MMRN2: variants seen among roughly 807,000 people sequenced by gnomAD.
MMRN2 encodes multimerin-2.
MMRN2 carries 53 observed loss-of-function variants against 68.8 expected under a neutral mutation model. The ratio of observed to expected loss-of-function variants is 0.77; its 90% CI spans 0.62 to 0.97. The LOEUF (loss-of-function observed/expected upper bound fraction) is 0.97, where lower values mean the gene tolerates loss of function less well. Ranked by LOEUF, MMRN2 falls within the 50% of genes least tolerant of loss-of-function variation. MMRN2 has a pLI of 0.00. For missense variants in MMRN2, 1,266 were observed against 1,259.5 expected (o/e 1.01, Z -0.08); for synonymous variants, 564 against 551.6 (o/e 1.02, Z -0.32).
chr10:86,937,221 T>C (rs1843893433), intron 6 of MMRN2, 96 bp from the exon 7 acceptor site: 3 of 1,313,608 alleles, frequency 2.3e-6, no homozygotes, highest in African/African-American at 3.0e-5. Flanking sequence ...TTATTAGCAA[T>C]GGAAATAGGT....
At chr10:86,941,848 A>C (rs1050997739) in intron 6 of MMRN2, among the ~76,000 whole-genome samples, 4 of 129,340 alleles carry the variant, frequency 3.1e-5, no homozygotes, top group Admixed American at 7.8e-5. Flanking sequence ...CAAAAAAAAA[A>C]CTAAAATCAT....
rs200415857 is a variant in MMRN2 at position 86,942,906 on chromosome 10, C to T, written c.1878G>A (p.Thr626=). ...CGTAGCTCAGGGGCAGCGGTCCCGG[C>T]GTCTGCTCAGACATCTCCTCCAGCA... ...EEVLEEMSEQ[T]PGPLPLSYEQ... The change falls in exon 6 of 7, where the codon ACG becomes ACA. Residue 626 remains threonine (T), a synonymous_variant. Coordinates refer to ENST00000372027, the MANE Select transcript of MMRN2 (RefSeq NM_024756.3). The T allele has an allele frequency of 1.4e-6, 2 of 1,474,284 alleles. No homozygotes were observed. Among genetic ancestry groups the T allele is most frequent in the Non-Finnish European group, 1.8e-6 (2 of 1,111,426 alleles). 91.3% of individuals were successfully genotyped at this position (1,474,284 alleles called of 1,614,324 possible). A position where few individuals can be genotyped will look rare whatever the true frequency, so the allele number is the denominator to read the frequency against.
At chr10:86,951,269 CAGG>C (rs1844140101) in intron 1 of MMRN2, among the ~76,000 whole-genome samples, 1 of 152,224 alleles carries the variant, frequency 6.6e-6, no homozygotes, top group South Asian at 2.1e-4. Flanking sequence ...GACTCCTAAT[CAGG>C]AGATCAGCAA....
rs776882013 is a variant in MMRN2, at chr10:86,944,349, G to A, written c.568C>T (p.Arg190Trp). 1.7e-5 allele frequency: 28 copies of A among 1,613,832 alleles called. No homozygotes were observed. The highest frequency in any genetic ancestry group is 1.6e-4 in the Middle Eastern group (1 of 6,084). The change falls in exon 5 of 7, where the codon CGG (arginine) becomes TGG (tryptophan). Residue 190 changes from arginine (R) to tryptophan (W), a missense_variant. Transcript: ENST00000372027. ...AGGCCTGGCAGGCTGTCTGCCACCC[G>A]GTGCACATCATTCTGGAGATCTCCC... The part of the protein sequence containing the change: ...LLGDLQNDVH[R>W]VADSLPGLWK...
chr10:86,942,452 T>G lies in MMRN2; in HGVS notation c.2332A>C (p.Ser778Arg). The G allele has an allele frequency of 6.2e-7, 1 of 1,614,180 alleles. No homozygotes were observed. Among genetic ancestry groups the G allele is most frequent in the Non-Finnish European group, 8.5e-7 (1 of 1,180,028 alleles). ...TTCTGCTGCTTCTTCCCTTTCCTGC[T>G]CAGCATGGTCTGCAGCTTCCCCAGG... The part of the protein sequence containing the change: ...LDLGKLQTML[S>R]RKGKKQQKDL... Residue 778 changes from serine (S) to arginine (R), a missense_variant, in exon 6 of 7, where the codon AGC becomes CGC. Ser to Arg is a moderately radical substitution (Grantham distance 110). Transcript: ENST00000372027.
At chr10:86,952,378 T>C (rs1288048890) in intron 1 of MMRN2, among the ~76,000 whole-genome samples, 2 of 152,178 alleles carry the variant, frequency 1.3e-5, no homozygotes, top group Admixed American at 6.5e-5. Flanking sequence ...CCATGGAAAC[T>C]CCTGGAACAT....
chr10:86,955,287 G>A (rs1414582810), intron 1 of MMRN2, among the ~76,000 whole-genome samples: 1 of 152,196 alleles, frequency 6.6e-6, no homozygotes, highest in East Asian at 1.9e-4. Context: ...ACATCCCCAA[G>A]CCAGGGCACA....
Position 86,957,536 on chromosome 10 carries a change from G to A in MMRN2, c.6C>T (p.Ile2=). 6.2e-7 allele frequency: 1 copy of A among 1,608,406 alleles called. No homozygotes were observed. Among genetic ancestry groups the A allele is most frequent in the East Asian group, 2.2e-5 (1 of 44,786 alleles). ...CCCCAAGGCTGAACAGCAAGCTCAG[G>A]ATCATCTTGGTGGTGGGGCAGGCTC... is the stretch of plus-strand genomic sequence containing the variant. M[I]LSLLFSLGGP... The change falls in exon 1 of 7, where the codon ATC becomes ATT. Residue 2 remains isoleucine, a synonymous_variant. Transcript: ENST00000372027.
chr10:86,938,320 C>G (rs1158110823), intron 6 of MMRN2, among the ~76,000 whole-genome samples: 1 of 152,176 alleles, frequency 6.6e-6, no homozygotes, highest in Non-Finnish European at 1.5e-5. Flanking sequence ...AATTACCAAG[C>G]CTCCTGGGAA....
Position 86,942,392 on chromosome 10 carries a change from CCTT to C in MMRN2, c.2389_2391del (p.Lys797del). On this transcript the variant is annotated inframe_deletion, in exon 6 of 7. Coordinates refer to ENST00000372027, the MANE Select transcript of MMRN2 (RefSeq NM_024756.3). The stretch of plus-strand genomic sequence containing the variant: ...CGTATGTCCACCAAAGGCTCCGCTT[CCTT>C]CTTGTCCCTCTTCCGGGGAGCTTCC... 2 of 1,614,192 alleles carry C rather than the reference CCTT, an allele frequency of 1.2e-6. No homozygotes were observed. The highest frequency in any genetic ancestry group is 1.7e-6 in the Non-Finnish European group (2 of 1,180,024).
At chr10:86,955,440 T>G (rs1844208977) in intron 1 of MMRN2, among the ~76,000 whole-genome samples, 1 of 152,192 alleles carries the variant, frequency 6.6e-6, no homozygotes, top group Non-Finnish European at 1.5e-5. Context: ...AGTGGTTCTA[T>G]TCAAGCTTCT....
In MMRN2 at chr10:86,939,162, A is replaced by T. The variant is rs1335673634; in HGVS notation, c.2468-2037T>A. On this transcript the variant is annotated intron_variant, in intron 6 of 6. Transcript: ENST00000372027. The stretch of plus-strand genomic sequence containing the variant: ...GGGCAACGAGAGTGAAACTCCGTCA[A>T]AAAAAAAAAAAAAAAAAAATGCCGG... Among the ~76,000 whole-genome samples, 17 of 19,812 alleles carry T rather than the reference A, an allele frequency of 8.6e-4. 1 individual carries two copies. Among genetic ancestry groups the T allele is most frequent in the African/African-American group, 4.2e-3 (15 of 3,580 alleles). 13.0% of individuals were successfully genotyped at this position (19,812 alleles called of 152,430 possible).
chr10:86,944,839 G>A (rs1193213118), intron 4 of MMRN2, among the ~76,000 whole-genome samples: 1 of 152,228 alleles, frequency 6.6e-6, no homozygotes. Flanking sequence ...CAAGACCAAG[G>A]ACAGCATGAC....
chr10:86,943,773 C>A lies in MMRN2; in HGVS notation c.1011G>T (p.Leu337Phe). The A allele has an allele frequency of 1.2e-6, 2 of 1,608,702 alleles. No homozygotes were observed. The highest frequency in any genetic ancestry group is 2.2e-5 in the South Asian group (2 of 91,088). Reference protein sequence around the residue: ...SELQADVDTKLKRLHKAQEAP... With the variant: ...SELQADVDTKFKRLHKAQEAP... ...CCTCCTGAGCCTTGTGCAGCCTCTT[C>A]AATTTGGTGTCCACATCGGCTTGGA... is the stretch of plus-strand genomic sequence containing the variant. Residue 337 changes from leucine (L) to phenylalanine (F), a missense_variant, in exon 6 of 7, where the codon TTG becomes TTT. Leu to Phe is a conservative substitution (Grantham distance 22). Coordinates refer to ENST00000372027, the MANE Select transcript of MMRN2 (RefSeq NM_024756.3). The surrounding 1 kb of genome is among the most constrained non-coding windows in gnomAD (Gnocchi z 4.2).
intron 6 of MMRN2, 129 bp from the exon 7 acceptor site, chr10:86,937,254 T>C (rs1176419107): frequency 5.1e-6 from 5 of 988,904 alleles, no homozygotes; most frequent in South Asian, 3.5e-5. Flanking sequence ...ATAACCTAGA[T>C]ATTCCCAACA....
At chr10:86,954,091 C>T (rs1024686901) in intron 1 of MMRN2, 2 of 153,046 alleles carry the variant, frequency 1.3e-5, no homozygotes, top group African/African-American at 4.8e-5. Context: ...CCTTGATGCC[C>T]ATGCCCCCGG....
chr10:86,955,431 G>A (rs1844208862), intron 1 of MMRN2, among the ~76,000 whole-genome samples: 1 of 152,212 alleles, frequency 6.6e-6, no homozygotes, highest in Non-Finnish European at 1.5e-5. Flanking sequence ...TGAGGACGTA[G>A]TGGTTCTATT....
Position 86,943,399 on chromosome 10 carries a change from T to C in MMRN2, c.1385A>G (p.Glu462Gly). 6.2e-7 allele frequency: 1 copy of C among 1,614,002 alleles called. No individual in the cohort carries two copies. Residue 462 changes from glutamate to glycine, a missense_variant, in exon 6 of 7, where the codon GAG (glutamate) becomes GGG (glycine). Physicochemically the swap from Glu to Gly is moderately conservative, Grantham distance 98. Transcript: ENST00000372027. The surrounding 1 kb of genome is among the most constrained non-coding windows in gnomAD (Gnocchi z 4.2). The part of the protein sequence containing the change: ...EKSLIMEENK[E>G]EVERQLLELN... Reference sequence around the variant, plus strand: ...CTCCAGGAGCTGCCGCTCCACCTCCTCCTTGTTCTCCTCCATGATCAGAGA... The same window carrying C: ...CTCCAGGAGCTGCCGCTCCACCTCCCCCTTGTTCTCCTCCATGATCAGAGA...
intron 1 of MMRN2, among the ~76,000 whole-genome samples, chr10:86,951,505 C>G (rs1303783624): frequency 6.6e-6 from 1 of 152,220 alleles, no homozygotes; most frequent in Non-Finnish European, 1.5e-5. Context: ...GCTTTCCAGG[C>G]CACATGAACT....
Sources: gnomAD v4.1 joint callset for allele counts (sites outside exome capture counted in the v4.1 genomes callset) on GRCh38, gnomAD v4.1.1 for gene constraint, Gnocchi (gnomAD v3.1) non-coding constraint, MANE v1.5 for transcripts, NCBI Gene and HGNC (gene_info 2026-07-23, HGNC 2026-07-21) for gene names.